The following UBE2V2 variants were observed in gnomAD, a reference collection of about 807,000 sequenced individuals.
The protein encoded by UBE2V2 is ubiquitin-conjugating enzyme E2 variant 2.
In UBE2V2, 9 loss-of-function variants were observed where a neutral mutation model predicts 17.2. The observed-to-expected ratio is 0.52, with a 90% confidence interval of 0.32 to 0.91. The LOEUF is 0.91. Ranked by LOEUF, UBE2V2 falls within the 40% of genes least tolerant of loss-of-function variation. UBE2V2 has a pLI of 0.04. For synonymous variants in UBE2V2, 61 were observed against 57.5 expected, an observed-to-expected ratio of 1.06 and a Z score of -0.28; for missense variants, 133 against 182.6, an observed-to-expected ratio of 0.73 and a Z score of 1.56.
intron 1 of UBE2V2, among the ~76,000 whole-genome samples, chr8:48,017,379 T>TC (rs911916562): frequency 1.2e-4 from 16 of 136,622 alleles, no homozygotes; most frequent in South Asian, 4.4e-4. Flanking sequence ...TCTCTCTCTC[T>TC]TTTTTTTTTT....
chr8:48,012,469 A>G (rs1439219775), intron 1 of UBE2V2, among the ~76,000 whole-genome samples: 2 of 152,220 alleles, frequency 1.3e-5, no homozygotes, highest in African/African-American at 4.8e-5. Context: ...CTGTAATCCC[A>G]GCACTTTGGG....
upstream of UBE2V2, among the ~76,000 whole-genome samples, chr8:48,006,377 C>G (rs1589845348): frequency 6.6e-6 from 1 of 152,034 alleles, no homozygotes; most frequent in South Asian, 2.1e-4. Flanking sequence ...ATCTATATAT[C>G]TGTTTTGGTA....
chr8:48,016,171 A>C (rs2091268033), intron 1 of UBE2V2, among the ~76,000 whole-genome samples: 1 of 152,206 alleles, frequency 6.6e-6, no homozygotes, highest in Non-Finnish European at 1.5e-5. Flanking sequence ...TATGGGGATT[A>C]CAGGCGTGAG....
At chr8:48,060,337 C>T (rs899894408) in intron 3 of UBE2V2, among the ~76,000 whole-genome samples, 4 of 151,642 alleles carry the variant, frequency 2.6e-5, no homozygotes, top group South Asian at 2.1e-4. Context: ...TGAGATAATT[C>T]CCCAGATTTT....
chr8:48,050,904 A>G (rs1183517166), intron 3 of UBE2V2, among the ~76,000 whole-genome samples: 1 of 152,146 alleles, frequency 6.6e-6, no homozygotes, highest in Non-Finnish European at 1.5e-5. Flanking sequence ...TCTGTCCCCC[A>G]GGCTGTAGTG....
chr8:48,012,589 A>G (rs1049009234), intron 1 of UBE2V2, among the ~76,000 whole-genome samples: 4 of 151,844 alleles, frequency 2.6e-5, no homozygotes, highest in African/African-American at 9.7e-5. Flanking sequence ...GTGGTGGCAC[A>G]TGCCTGTAAT....
In UBE2V2 at chr8:48,008,486, G is replaced by A. The variant is rs1270967794; in HGVS notation, c.16+16G>A. 2.6e-6 allele frequency: 4 copies of A among 1,566,858 alleles called. No individual in the cohort carries two copies. Among genetic ancestry groups the A allele is most frequent in the East Asian group, 2.6e-5 (1 of 38,640 alleles). ...GTCTCCACAGGTCGGTTCCCGGGCCGGGCTGCGTGATTTTCCGCTCCGACC... is the reference window on the plus strand; with the variant it reads ...GTCTCCACAGGTCGGTTCCCGGGCCAGGCTGCGTGATTTTCCGCTCCGACC... On this transcript the variant is annotated intron_variant, in intron 1 of 3. Transcript: ENST00000523111.
upstream of UBE2V2, among the ~76,000 whole-genome samples, chr8:48,006,872 A>C (rs1213703769): frequency 6.6e-6 from 1 of 151,824 alleles, no homozygotes; most frequent in Non-Finnish European, 1.5e-5. Context: ...GATTCTTTTT[A>C]TTTTTTATTT....
chr8:48,017,295 G>A (rs1214930331), intron 1 of UBE2V2, among the ~76,000 whole-genome samples: 1 of 151,548 alleles, frequency 6.6e-6, no homozygotes, highest in Non-Finnish European at 1.5e-5. Context: ...ATTGAATGGA[G>A]TTCCTTATAT....
intron 3 of UBE2V2, among the ~76,000 whole-genome samples, chr8:48,059,325 A>G (rs901735382): frequency 2.6e-5 from 4 of 151,788 alleles, no homozygotes; most frequent in Non-Finnish European, 4.4e-5. Context: ...GCAGCCCTAC[A>G]CATGTGTGTG....
chr8:48,002,851 GTTAA>G, the UBE2V2 span, among the ~76,000 whole-genome samples: 1 of 152,086 alleles, frequency 6.6e-6, no homozygotes, highest in African/African-American at 2.4e-5. Flanking sequence ...TAATGCATAT[GTTAA>G]TTAAGTTGAT....
At chr8:47,998,495 T>A in the UBE2V2 span, among the ~76,000 whole-genome samples, 40 of 152,032 alleles carry the variant, frequency 2.6e-4, no homozygotes, top group African/African-American at 9.4e-4. Flanking sequence ...TTTTGGAAAC[T>A]GAGAGACAGG....
chr8:48,030,935 T>A (rs2154507318), intron 1 of UBE2V2, among the ~76,000 whole-genome samples: 1 of 152,142 alleles, frequency 6.6e-6, no homozygotes, highest in Non-Finnish European at 1.5e-5. Context: ...GGCGGGAGAA[T>A]CTCTTGAACC....
At chr8:48,013,720 A>C (rs1226095005) in intron 1 of UBE2V2, among the ~76,000 whole-genome samples, 1 of 152,210 alleles carries the variant, frequency 6.6e-6, no homozygotes, top group African/African-American at 2.4e-5. Flanking sequence ...AAACTCAGAA[A>C]AAATTGATGA....
the UBE2V2 span, among the ~76,000 whole-genome samples, chr8:48,000,090 T>G: frequency 2.6e-5 from 4 of 152,260 alleles, no homozygotes; most frequent in Non-Finnish European, 5.9e-5. Context: ...GCCTGTGGAT[T>G]TCATTTCTGC....
At chr8:48,002,601 A>C in the UBE2V2 span, among the ~76,000 whole-genome samples, 1 of 151,076 alleles carries the variant, frequency 6.6e-6, no homozygotes, top group Non-Finnish European at 1.5e-5. Context: ...TAGCCTGGGC[A>C]ATATGGTGAA....
At chr8:48,009,424 C>T (rs909452214) in intron 1 of UBE2V2, among the ~76,000 whole-genome samples, 7 of 151,966 alleles carry the variant, frequency 4.6e-5, no homozygotes, top group African/African-American at 1.7e-4. Context: ...TGCCACCAGG[C>T]CCGGCTAATT....
At chr8:48,007,257 C>T (rs1378327833), upstream of UBE2V2, among the ~76,000 whole-genome samples, 1 of 151,980 alleles carries the variant, frequency 6.6e-6, no homozygotes, top group Non-Finnish European at 1.5e-5. Context: ...AAGTTCTGGC[C>T]AGGGCAATCA....
chr8:48,025,658 G>A (rs578212769), intron 1 of UBE2V2, among the ~76,000 whole-genome samples: 2 of 150,580 alleles, frequency 1.3e-5, no homozygotes, highest in East Asian at 3.9e-4. Context: ...GGAGTGCAGT[G>A]GCGTGATCTC....
Sources: gnomAD v4.1 joint callset for allele counts (sites outside exome capture counted in the v4.1 genomes callset) on GRCh38, gnomAD v4.1.1 for gene constraint, MANE v1.5 for transcripts, NCBI Gene and HGNC (gene_info 2026-07-23, HGNC 2026-07-21) for gene names.